Variants in EGFLAM observed in about 807,000 individuals in gnomAD.
The protein encoded by EGFLAM is pikachurin.
EGFLAM carries 79 observed loss-of-function variants against 113.1 expected under a neutral mutation model. The ratio of observed to expected loss-of-function variants is 0.70; its 90% CI spans 0.58 to 0.84. The LOEUF (loss-of-function observed/expected upper bound fraction) is 0.84. EGFLAM is among the 40% of genes least tolerant of loss of function. EGFLAM has a pLI of 0.00. For synonymous variants in EGFLAM, 504 were observed against 487.6 expected (o/e 1.03, Z -0.44); for missense variants, 1,265 against 1,291.6 (o/e 0.98, Z 0.32).
intron 5 of EGFLAM, among the ~76,000 whole-genome samples, chr5:38,369,183 T>C (rs915316795): frequency 1.5e-4 from 23 of 152,148 alleles, no homozygotes; most frequent in African/African-American, 5.6e-4. Context: ...TTTCTAAGAG[T>C]GGCATTTAAA....
intron 12 of EGFLAM, among the ~76,000 whole-genome samples, chr5:38,419,623 T>C (rs1428680697): frequency 1.3e-5 from 2 of 152,244 alleles, no homozygotes; most frequent in Admixed American, 6.5e-5. Flanking sequence ...GTTTTTCTTG[T>C]AGCTAATATT....
chr5:38,352,401 C>G, intron 5 of EGFLAM, 70 bp downstream of exon 5: 3 of 1,581,790 alleles, frequency 1.9e-6, no homozygotes, highest in Non-Finnish European at 2.6e-6. Flanking sequence ...GTAATCCCAG[C>G]ACTTTGGCAG....
At position 38,370,474 on chromosome 5, in the gene EGFLAM, G is replaced by C. The variant is rs758977066; in HGVS notation, c.712+12G>C. The C allele has an allele frequency of 1.9e-6, 3 of 1,611,564 alleles. No individual in the cohort carries two copies. The highest frequency in any genetic ancestry group is 1.7e-5 in the Admixed American group (1 of 59,914). On this transcript the variant is annotated intron_variant, in intron 6 of 21. Transcript: ENST00000322350. ...CATCCGGACCCTCTGTGAGTACCAG[G>C]GTCCTTCTGAGGGACCAAGGGAGCT...
intron 3 of EGFLAM, among the ~76,000 whole-genome samples, chr5:38,349,050 G>A (rs908387433): frequency 1.6e-4 from 24 of 152,162 alleles, no homozygotes; most frequent in Non-Finnish European, 7.3e-5. Context: ...ACTGTATTAA[G>A]TATTCATTAA....
At chr5:38,289,276 C>CG (rs72124927) in intron 1 of EGFLAM, among the ~76,000 whole-genome samples, 10 of 149,870 alleles carry the variant, frequency 6.7e-5, no homozygotes, top group African/African-American at 1.7e-4. Context: ...TCTTTCCCCG[C>CG]CCCCACATTT....
At position 38,355,513 on chromosome 5, in the gene EGFLAM, C is replaced by A. The variant is rs1033067095; in HGVS notation, c.545+3182C>A. 4.9e-3 allele frequency among the ~76,000 whole-genome samples: 753 copies of A among 152,248 alleles called. 17 individuals are homozygous for A. The highest frequency in any genetic ancestry group is 2.8e-3 in the Non-Finnish European group (191 of 68,028). On this transcript the variant is annotated intron_variant, in intron 5 of 21. Transcript: ENST00000322350. ...GAAATGGCCCCAGAGGCATCGGCTA[C>A]AATCTCCTTGTCTGTAAAACGTGGG...
At chr5:38,327,587 C>G (rs1738924117) in intron 1 of EGFLAM, among the ~76,000 whole-genome samples, 1 of 152,278 alleles carries the variant, frequency 6.6e-6, no homozygotes, top group East Asian at 1.9e-4. Flanking sequence ...TAATTTGCCA[C>G]AGTGTCATAC....
Position 38,370,366 on chromosome 5 carries a change from C to T in EGFLAM, c.616C>T (p.Leu206Phe). 6.2e-7 allele frequency: 1 copy of T among 1,614,182 alleles called. No individual in the cohort carries two copies. Among genetic ancestry groups the T allele is most frequent in the Non-Finnish European group, 8.5e-7 (1 of 1,180,030 alleles). Reference sequence around the variant, plus strand: ...GATGGACTCCATGGTTATCAAGGGCCTCGATCCAGATACCAACTACCAGTT... The same window carrying T: ...GATGGACTCCATGGTTATCAAGGGCTTCGATCCAGATACCAACTACCAGTT... ...IQMDSMVIKG[L>F]DPDTNYQFAV... The change falls in exon 6 of 22, where the codon CTC (leucine) becomes TTC (phenylalanine). Residue 206 changes from leucine to phenylalanine, a missense_variant. Physicochemically the swap from Leu to Phe is conservative, Grantham distance 22. Transcript: ENST00000322350.
intron 4 of EGFLAM, 74 bp from the exon 5 acceptor site, chr5:38,352,122 C>A: frequency 6.3e-7 from 1 of 1,594,460 alleles, no homozygotes; most frequent in South Asian, 1.1e-5. Context: ...CTGAGACCAC[C>A]AGCCTAGCCC....
intron 6 of EGFLAM, among the ~76,000 whole-genome samples, chr5:38,389,165 C>G (rs889236033): frequency 8.5e-5 from 13 of 152,100 alleles, no homozygotes; most frequent in African/African-American, 3.1e-4. Flanking sequence ...AATGGCATTT[C>G]TACAGGGATG....
At chr5:38,344,592 C>T (rs754208094) in intron 3 of EGFLAM, among the ~76,000 whole-genome samples, 3 of 151,938 alleles carry the variant, frequency 2.0e-5, no homozygotes, top group South Asian at 4.2e-4. Context: ...ATAAGTCTAA[C>T]AGGCCAGAAA....
chr5:38,322,538 C>T (rs1010604749), intron 1 of EGFLAM, among the ~76,000 whole-genome samples: 1 of 152,172 alleles, frequency 6.6e-6, no homozygotes, highest in Non-Finnish European at 1.5e-5. Flanking sequence ...ACTGCTAGTA[C>T]TCTGCAGATA....
At chr5:38,403,780 C>T in intron 6 of EGFLAM, 1 of 1,602,048 alleles carries the variant, frequency 6.2e-7, no homozygotes, top group South Asian at 1.1e-5. Flanking sequence ...GGACTGCTTG[C>T]TGTACAAAGA....
At position 38,458,403 on chromosome 5, in the gene EGFLAM, C is replaced by G; in HGVS notation, c.2771+9C>G. 2 of 1,613,332 alleles carry G rather than the reference C, an allele frequency of 1.2e-6. No homozygotes were observed. Among genetic ancestry groups the G allele is most frequent in the Non-Finnish European group, 1.7e-6 (2 of 1,179,610 alleles). On this transcript the variant is annotated intron_variant, in intron 20 of 21. Coordinates refer to ENST00000322350, the MANE Select transcript of EGFLAM (RefSeq NM_152403.4). Reference sequence around the variant, plus strand: ...CGAGTTAAGGCCGTTAGGTGAGTCCCTCCCGCAGCATGAGGCAGAGCCAGA... The same window carrying G: ...CGAGTTAAGGCCGTTAGGTGAGTCCGTCCCGCAGCATGAGGCAGAGCCAGA...
intron 5 of EGFLAM, among the ~76,000 whole-genome samples, chr5:38,368,529 C>A (rs1740122591): frequency 6.6e-6 from 1 of 152,114 alleles, no homozygotes. Context: ...CGCTGTTCAC[C>A]CCGGCATCTT....
At chr5:38,366,949 A>T (rs1740076557) in intron 5 of EGFLAM, among the ~76,000 whole-genome samples, 1 of 152,170 alleles carries the variant, frequency 6.6e-6, no homozygotes, top group African/African-American at 2.4e-5. Context: ...GTGAGCCCTG[A>T]TTAAGTGAAT....
chr5:38,432,953 C>T (rs1742232748), intron 15 of EGFLAM, among the ~76,000 whole-genome samples: 1 of 152,124 alleles, frequency 6.6e-6, no homozygotes, highest in South Asian at 2.1e-4. Context: ...GTGAATGGAG[C>T]TGACTGGAGT....
intron 1 of EGFLAM, among the ~76,000 whole-genome samples, chr5:38,312,282 C>T (rs977522026): frequency 2.0e-5 from 3 of 150,990 alleles, no homozygotes; most frequent in African/African-American, 7.4e-5. Flanking sequence ...CGCTCTGTCG[C>T]CCAGGCTGGA....
intron 19 of EGFLAM, among the ~76,000 whole-genome samples, chr5:38,457,083 A>T (rs181289169): frequency 1.3e-5 from 2 of 152,312 alleles, no homozygotes; most frequent in Admixed American, 1.3e-4. Flanking sequence ...TGAAATAGAA[A>T]ATAGGAAGCC....
Sources: allele counts gnomAD v4.1 joint callset (sites outside exome capture counted in the v4.1 genomes callset), GRCh38; gene constraint gnomAD v4.1.1; transcripts MANE v1.5; gene names NCBI Gene and HGNC (gene_info 2026-07-23, HGNC 2026-07-21).